Variants in ADGRL4 observed in about 807,000 individuals in gnomAD.
ADGRL4 encodes the protein adhesion G protein-coupled receptor L4.
ADGRL4 carries 90 observed loss-of-function variants against 74.8 expected under a neutral mutation model. That is an observed-to-expected ratio of 1.20 (90% CI 1.02 to 1.43). ADGRL4 has a LOEUF of 1.43. Ranked by LOEUF, ADGRL4 falls within the 40% of genes most tolerant of loss-of-function variation. The probability of loss-of-function intolerance (pLI) is 0.00; values close to 1 mark genes in which losing one functional copy is unlikely to be tolerated. For missense variants in ADGRL4, 881 were observed against 814.3 expected (o/e 1.08, Z -1.00); for synonymous variants, 311 against 279.2 (o/e 1.11, Z -1.14).
At chr1:79,001,164 A>AAGGAAGGAAGGGAGGG (rs1650831641) in intron 2 of ADGRL4, among the ~76,000 whole-genome samples, 1 of 72,678 alleles carries the variant, frequency 1.4e-5, no homozygotes, top group African/African-American at 5.2e-5. Context: ...AGAAGGAAGG[A>AAGGAAGGAAGGGAGGG]AGGAAGGGAG....
chr1:78,994,435 G>C (rs960098845), intron 2 of ADGRL4, among the ~76,000 whole-genome samples: 1 of 152,128 alleles, frequency 6.6e-6, no homozygotes, highest in Non-Finnish European at 1.5e-5. Flanking sequence ...CAACAAACCA[G>C]AATTGTCGCA....
intron 3 of ADGRL4, among the ~76,000 whole-genome samples, chr1:78,943,668 G>A (rs1649538006): frequency 1.3e-5 from 2 of 152,026 alleles, no homozygotes; most frequent in Non-Finnish European, 2.9e-5. Flanking sequence ...AACGCAAAAG[G>A]GAGTAGATTT....
At position 78,891,081 on chromosome 1, in the gene ADGRL4, T is replaced by G. The variant is rs111524330; in HGVS notation, c.*73A>C. The G allele has an allele frequency of 2.0e-4, 284 of 1,439,498 alleles. 1 individual carries two copies. The African/African-American group carries it at 3.3e-3, about 17-fold the overall frequency. The allele number at this position is 1,439,498 out of a possible 1,614,324, so 89.2% of individuals were successfully genotyped here. ...ATAATTGGATAATTTGATGAGTCAT[T>G]TTTATACATTGGTCATCCACAGCTT... On this transcript the variant is annotated 3_prime_UTR_variant, in exon 15 of 15. Coordinates refer to ENST00000370742, the MANE Select transcript of ADGRL4 (RefSeq NM_022159.4).
chr1:78,952,331 T>TTTTTC, intron 2 of ADGRL4, among the ~76,000 whole-genome samples: 1 of 150,506 alleles, frequency 6.6e-6, no homozygotes, highest in Middle Eastern at 3.4e-3. Context: ...TAGAAAGCTT[T>TTTTTC]TTTTTTTTTT....
At chr1:78,963,834 C>A (rs1481473596) in intron 2 of ADGRL4, among the ~76,000 whole-genome samples, 2 of 152,068 alleles carry the variant, frequency 1.3e-5, no homozygotes, top group African/African-American at 2.4e-5. Flanking sequence ...TTCTTCAATT[C>A]TTAGATGAGT....
Position 78,916,908 on chromosome 1 carries a change from G to A in ADGRL4, c.1749+726C>T, listed in dbSNP as rs371501160. ...GACTGTTGAAAACTTTCAGGACTTA[G>A]AAATGCTCTTCAGACATACAAAAAT... On this transcript the variant is annotated intron_variant, in intron 12 of 14. Transcript: ENST00000370742. Among the ~76,000 whole-genome samples, 13 of 151,940 alleles carry A rather than the reference G, an allele frequency of 8.6e-5. No homozygotes were observed. The South Asian group carries it at 2.7e-3, about 31-fold the overall frequency.
rs568044831 is a variant in ADGRL4 at position 78,950,574 on chromosome 1, G to A, written c.173-4148C>T. ...CCAAAACAGAATCAAGGAGAAAGAA[G>A]TAGGGAATATTTCAGAAATATTTAG... On this transcript the variant is annotated intron_variant, in intron 2 of 14. Coordinates refer to ENST00000370742, the MANE Select transcript of ADGRL4 (RefSeq NM_022159.4). 8.5e-5 allele frequency among the ~76,000 whole-genome samples: 13 copies of A among 152,248 alleles called. No individual in the cohort carries two copies. In the East Asian group the frequency reaches 2.5e-3, roughly 29 times the overall value.
At chr1:78,984,696 C>T (rs1239655731) in intron 2 of ADGRL4, among the ~76,000 whole-genome samples, 3 of 151,116 alleles carry the variant, frequency 2.0e-5, no homozygotes, top group Admixed American at 2.0e-4. Flanking sequence ...AAAAAACACA[C>T]ACACACATAT....
chr1:78,893,008 A>C (rs934348588), intron 13 of ADGRL4, 90 bp downstream of exon 13: 2 of 759,112 alleles, frequency 2.6e-6, no homozygotes, highest in Admixed American at 2.9e-5. Context: ...ATCATTTAAA[A>C]ATAATTCCCC....
At chr1:78,998,632 C>T (rs180808536) in intron 2 of ADGRL4, among the ~76,000 whole-genome samples, 25 of 152,212 alleles carry the variant, frequency 1.6e-4, no homozygotes, top group African/African-American at 6.0e-4. Context: ...TAGCAAAGTG[C>T]TGGGATTACA....
intron 7 of ADGRL4, among the ~76,000 whole-genome samples, chr1:78,931,690 C>A (rs1197611783): frequency 6.0e-5 from 9 of 151,012 alleles, no homozygotes; most frequent in Admixed American, 5.9e-4. Flanking sequence ...AGACCCATAT[C>A]ATGTGCAAAG....
intron 6 of ADGRL4, 126 bp from the exon 7 acceptor site, chr1:78,936,537 T>C (rs1649358382): frequency 2.3e-6 from 2 of 865,112 alleles, no homozygotes; most frequent in Non-Finnish European, 1.7e-6. Flanking sequence ...ACAAGTAGAG[T>C]GAACATTCTT....
At chr1:79,000,134 G>T (rs1650811994) in intron 2 of ADGRL4, among the ~76,000 whole-genome samples, 1 of 151,912 alleles carries the variant, frequency 6.6e-6, no homozygotes, top group Non-Finnish European at 1.5e-5. Flanking sequence ...TTACTTTTCT[G>T]GTTCTAAATA....
At chr1:78,917,563 T>C (rs1648902960) in intron 12 of ADGRL4, 71 bp downstream of exon 12, 2 of 929,644 alleles carry the variant, frequency 2.2e-6, no homozygotes, top group Non-Finnish European at 3.2e-6. Context: ...TAACACCTTA[T>C]TGCTGGAAAT....
intron 2 of ADGRL4, among the ~76,000 whole-genome samples, chr1:78,958,379 C>T (rs187223213): frequency 6.6e-6 from 1 of 152,210 alleles, no homozygotes; most frequent in Admixed American, 6.5e-5. Flanking sequence ...AAATGATTCA[C>T]CATTCTAGAT....
At chr1:78,913,872 G>C (rs889110470) in intron 12 of ADGRL4, among the ~76,000 whole-genome samples, 1 of 151,974 alleles carries the variant, frequency 6.6e-6, no homozygotes, top group East Asian at 1.9e-4. Context: ...GGATAGCAAG[G>C]CCCCGACTAT....
chr1:78,934,275 C>T (rs991143660), intron 7 of ADGRL4, among the ~76,000 whole-genome samples: 3 of 152,076 alleles, frequency 2.0e-5, no homozygotes, highest in Non-Finnish European at 4.4e-5. Flanking sequence ...TGATCTTCAA[C>T]AAACCTGACA....
chr1:78,920,985 T>C (rs979898855), intron 9 of ADGRL4, among the ~76,000 whole-genome samples: 15 of 151,892 alleles, frequency 9.9e-5, no homozygotes, highest in Admixed American at 1.3e-4. Flanking sequence ...GTAGATTTAT[T>C]TGGTTACTTT....
intron 2 of ADGRL4, among the ~76,000 whole-genome samples, chr1:78,996,609 TTG>T (rs1650720609): frequency 6.6e-6 from 1 of 152,178 alleles, no homozygotes; most frequent in Non-Finnish European, 1.5e-5. Context: ...CTGCTAAATT[TTG>T]CCTGAATCCT....
Sources: gnomAD v4.1 joint callset for allele counts (sites outside exome capture counted in the v4.1 genomes callset) on GRCh38, gnomAD v4.1.1 for gene constraint, MANE v1.5 for transcripts, NCBI Gene and HGNC (gene_info 2026-07-23, HGNC 2026-07-21) for gene names.